PPP4R2: variants seen among roughly 807,000 people sequenced by gnomAD.
PPP4R2 encodes the protein serine/threonine-protein phosphatase 4 regulatory subunit 2.
Under a neutral mutation model 47.2 loss-of-function variants are expected in PPP4R2, and 13 were observed. The observed-to-expected ratio is 0.28, with a 90% CI of 0.18 to 0.44. The LOEUF (loss-of-function observed/expected upper bound fraction) is 0.44. Ranked by LOEUF, PPP4R2 falls within the 20% of genes least tolerant of loss-of-function variation. PPP4R2 has a pLI of 1.00. For missense variants in PPP4R2, 421 were observed against 491.2 expected (o/e 0.86, Z 1.35); for synonymous variants, 151 against 163.3 (o/e 0.92, Z 0.57).
rs920488771 is a variant in PPP4R2 at position 73,049,081 on chromosome 3, A to G, written c.287+1725A>G. On this transcript the variant is annotated intron_variant, in intron 3 of 8. Transcript: ENST00000356692. ...TATATTTCCATATCAATATTTTAAA[A>G]TTTTTCAGAAAAAGGAAAAAAAACA... 5.9e-5 allele frequency among the ~76,000 whole-genome samples: 9 copies of G among 152,180 alleles called. 1 individual carries two copies. The highest frequency in any genetic ancestry group is 8.8e-5 in the Non-Finnish European group (6 of 68,034).
At chr3:73,021,759 C>CTA (rs1301655112) in intron 2 of PPP4R2, among the ~76,000 whole-genome samples, 1 of 151,816 alleles carries the variant, frequency 6.6e-6, no homozygotes, top group Non-Finnish European at 1.5e-5. Context: ...AAGTACTGCG[C>CTA]TAGGTATTGC....
chr3:73,062,839 T>C, intron 5 of PPP4R2: 2 of 1,613,894 alleles, frequency 1.2e-6, no homozygotes, highest in Non-Finnish European at 1.7e-6. Context: ...GGAGAATTAA[T>C]GTTCACACTT....
chr3:73,024,313 A>G (rs1462848286), intron 2 of PPP4R2, among the ~76,000 whole-genome samples: 3 of 152,168 alleles, frequency 2.0e-5, no homozygotes, highest in African/African-American at 7.2e-5. Flanking sequence ...ATAAATTTCT[A>G]GGAAGAAAGG....
chr3:73,003,804 T>A (rs1241294784), intron 2 of PPP4R2, among the ~76,000 whole-genome samples: 1 of 151,956 alleles, frequency 6.6e-6, no homozygotes, highest in Non-Finnish European at 1.5e-5. Flanking sequence ...GTTCAAGCGA[T>A]TTTTCTGCCA....
At chr3:73,052,396 T>A (rs1702634776) in intron 3 of PPP4R2, among the ~76,000 whole-genome samples, 1 of 152,018 alleles carries the variant, frequency 6.6e-6, no homozygotes. Flanking sequence ...ACTAAAAATT[T>A]TAATGAAATG....
chr3:73,042,971 T>A (rs1289644693), intron 2 of PPP4R2, among the ~76,000 whole-genome samples: 1 of 152,184 alleles, frequency 6.6e-6, no homozygotes, highest in Non-Finnish European at 1.5e-5. Flanking sequence ...CCATACCTCT[T>A]GTCTGGCTGT....
chr3:73,029,845 GTAAT>G (rs1444767621), intron 2 of PPP4R2, among the ~76,000 whole-genome samples: 1 of 152,206 alleles, frequency 6.6e-6, no homozygotes, highest in East Asian at 1.9e-4. Flanking sequence ...ACCCAGGAAA[GTAAT>G]TAAGGAGGAG....
chr3:73,064,079 A>G lies in PPP4R2; in HGVS notation c.571A>G (p.Asn191Asp). The G allele has an allele frequency of 6.2e-7, 1 of 1,613,700 alleles. No individual in the cohort carries two copies. Among genetic ancestry groups the G allele is most frequent in the Non-Finnish European group, 8.5e-7 (1 of 1,179,798 alleles). ...TTCTTTGTCAGCCCCCATGACAACA[A>G]ATGGGTTGCCTGAGAGCACAGACAG... ...KVSLSAPMTT[N>D]GLPESTDSKE... The change falls in exon 7 of 9, where the codon AAT (asparagine) becomes GAT (aspartate). Residue 191 changes from asparagine (N) to aspartate (D), a missense_variant. Around this residue, in one of 2 missense-constraint regions of PPP4R2, gnomAD observed 317 missense variants for 287.5 expected, o/e 1.10. Transcript: ENST00000356692.
chr3:73,046,545 A>G (rs193062578), intron 2 of PPP4R2, among the ~76,000 whole-genome samples: 1 of 152,280 alleles, frequency 6.6e-6, no homozygotes, highest in Admixed American at 6.5e-5. Context: ...TGTTTATGTT[A>G]ATTTGATAAA....
At chr3:72,997,951 G>C (rs1701383674) in intron 1 of PPP4R2, 126 bp from the exon 2 acceptor site, 1 of 702,720 alleles carries the variant, frequency 1.4e-6, no homozygotes, top group African/African-American at 1.9e-5. Flanking sequence ...TAATTTGGTT[G>C]AGAGGCCTTA....
At chr3:73,050,304 A>G (rs941779292) in intron 3 of PPP4R2, among the ~76,000 whole-genome samples, 3 of 152,174 alleles carry the variant, frequency 2.0e-5, no homozygotes, top group African/African-American at 7.2e-5. Context: ...CAGTTTATGA[A>G]TCACTTTCTC....
chr3:73,053,725 C>T (rs1020794063), intron 3 of PPP4R2, among the ~76,000 whole-genome samples: 71 of 151,174 alleles, frequency 4.7e-4, no homozygotes, highest in Admixed American at 8.6e-4. Context: ...CTGGCTAACA[C>T]TGTGAAACCC....
At chr3:73,055,226 G>A (rs6549504) in intron 3 of PPP4R2, among the ~76,000 whole-genome samples, 81,102 of 151,902 alleles carry the variant, frequency 0.53, 21,989 homozygotes, top group South Asian at 0.62. Context: ...TAAGAACTAA[G>A]ATTTATTGAA....
Position 73,007,861 on chromosome 3 carries a change from T to C in PPP4R2, c.116+9703T>C, listed in dbSNP as rs80148711. ...AGTATTTCTTGAAACACTTTGAAAA[T>C]TATTTCTAAAATGTCAGCCAAATAC... On this transcript the variant is annotated intron_variant, in intron 2 of 8. Transcript: ENST00000356692. Among the ~76,000 whole-genome samples, 6 of 152,318 alleles carry C rather than the reference T, an allele frequency of 3.9e-5. No homozygotes were observed. In the East Asian group the frequency reaches 1.2e-3, roughly 29 times the overall value.
intron 2 of PPP4R2, among the ~76,000 whole-genome samples, chr3:73,016,318 A>T (rs1032240299): frequency 2.0e-5 from 3 of 152,000 alleles, no homozygotes; most frequent in Non-Finnish European, 2.9e-5. Context: ...ACCAGGGCTG[A>T]CAATGTCTAG....
rs200200153 is a variant in PPP4R2 at position 73,064,138 on chromosome 3, A to G, written c.630A>G (p.Lys210=). The G allele has an allele frequency of 6.2e-7, 1 of 1,605,532 alleles. No homozygotes were observed. The highest frequency in any genetic ancestry group is 2.2e-5 in the East Asian group (1 of 44,852). Reference sequence around the variant, plus strand: ...CAAATTTGCAGCAAAATGAGGAGAAAAATCACAGGTTTGTATGTTTTATAT... The same window carrying G: ...CAAATTTGCAGCAAAATGAGGAGAAGAATCACAGGTTTGTATGTTTTATAT... ...KEANLQQNEE[K]NHSDSSTSES... is the part of the protein sequence containing the mutation. Residue 210 remains lysine (K), a synonymous_variant, in exon 7 of 9, where the codon AAA becomes AAG. Coordinates refer to ENST00000356692, the MANE Select transcript of PPP4R2 (RefSeq NM_174907.4).
chr3:72,999,946 C>T (rs1206931572), intron 2 of PPP4R2, among the ~76,000 whole-genome samples: 2 of 152,176 alleles, frequency 1.3e-5, no homozygotes, highest in Non-Finnish European at 2.9e-5. Flanking sequence ...ATCTTTGATA[C>T]TGACATTTGC....
Position 73,062,468 on chromosome 3 carries a change from G to T in PPP4R2, c.420-1205G>T, listed in dbSNP as rs367969878. ...CTGTGACCCCAAGTTTAGTATTCTT[G>T]TGTTTCATATTTGATGGGTTACACC... is the stretch of plus-strand genomic sequence containing the variant. On this transcript the variant is annotated intron_variant, in intron 5 of 8. Coordinates refer to ENST00000356692, the MANE Select transcript of PPP4R2 (RefSeq NM_174907.4). The T allele has an allele frequency of 9.6e-5, 155 of 1,612,808 alleles. 1 individual carries two copies. The highest frequency in any genetic ancestry group is 1.3e-4 in the Non-Finnish European group (155 of 1,179,426).
In PPP4R2 at chr3:72,996,878, C is replaced by G; in HGVS notation, c.-160C>G. 2.3e-6 allele frequency: 1 copy of G among 437,256 alleles called. No homozygotes were observed. Among genetic ancestry groups the G allele is most frequent in the East Asian group, 3.6e-5 (1 of 28,040 alleles). The allele number at this position is 437,256 out of a possible 1,614,324, so 27.1% of individuals were successfully genotyped here. A position where few individuals can be genotyped will look rare whatever the true frequency, so the allele number is the denominator to read the frequency against. On this transcript the variant is annotated 5_prime_UTR_variant, in exon 1 of 9. Transcript: ENST00000356692. ...GCTCGCTCTGTCGGTCTTGCTCTCT[C>G]GCACGCTTCCCCCGGCTCCCTTCGT... is the stretch of plus-strand genomic sequence containing the variant.
Sources: gnomAD v4.1 joint callset for allele counts (sites outside exome capture counted in the v4.1 genomes callset) on GRCh38, gnomAD v4.1.1 for gene constraint, gnomAD v4.1.1 regional missense constraint, MANE v1.5 for transcripts, NCBI Gene and HGNC (gene_info 2026-07-23, HGNC 2026-07-21) for gene names.